The following DPP6 variants were observed in gnomAD, a reference collection of about 807,000 sequenced individuals.
The protein encoded by DPP6 is A-type potassium channel modulatory protein DPP6.
In DPP6, 69 loss-of-function variants were observed where a neutral mutation model predicts 122.6. That is an observed-to-expected ratio of 0.56 (90% CI 0.46 to 0.69). The LOEUF is 0.69. Among genes scored for constraint, DPP6 ranks in the 30% least tolerant of loss-of-function variants. The probability of loss-of-function intolerance (pLI) is 0.00; values close to 1 mark genes in which losing one functional copy is unlikely to be tolerated. For missense variants in DPP6, 928 were observed against 1,116.9 expected, an observed-to-expected ratio of 0.83 and a Z score of 2.41; for synonymous variants, 418 against 433.1, an observed-to-expected ratio of 0.97 and a Z score of 0.43.
At chr7:153,817,907 A>C in the DPP6 span, among the ~76,000 whole-genome samples, 8,038 of 151,886 alleles carry the variant, frequency 0.053, 297 homozygotes, top group East Asian at 0.11. Flanking sequence ...CCTAGAACTT[A>C]AAGTATAATA....
intron 5 of DPP6, among the ~76,000 whole-genome samples, chr7:154,574,764 ATG>A (rs1419355610): frequency 3.6e-5 from 3 of 84,478 alleles, no homozygotes; most frequent in South Asian, 4.0e-4. Flanking sequence ...GTGTGTGTAT[ATG>A]TGTGTGGTGC....
chr7:153,925,301 A>G (rs1800835987), intron 1 of DPP6, among the ~76,000 whole-genome samples: 1 of 152,026 alleles, frequency 6.6e-6, no homozygotes, highest in East Asian at 1.9e-4. Flanking sequence ...ATCATCCCGC[A>G]TGGTGGAGGG....
Position 153,995,802 on chromosome 7 carries a change from A to G in DPP6, c.51+108068A>G, listed in dbSNP as rs1363584669. On this transcript the variant is annotated intron_variant, in intron 1 of 25. Transcript: ENST00000404039. ...GCACCAGATGGGAGATACGGCATTC[A>G]CTCTTACCTAAGTCCTACCTACCTT... is the stretch of plus-strand genomic sequence containing the variant. Among the ~76,000 whole-genome samples the G allele has an allele frequency of 2.6e-5, 4 of 152,140 alleles. No homozygotes were observed. In the East Asian group the frequency reaches 7.7e-4, roughly 29 times the overall value.
In DPP6 at chr7:154,802,417, C is replaced by A. The variant is rs192817693; in HGVS notation, c.1407+955C>A. Among the ~76,000 whole-genome samples the A allele has an allele frequency of 3.3e-5, 5 of 152,148 alleles. No homozygotes were observed. In the East Asian group the frequency reaches 5.8e-4, roughly 18 times the overall value. On this transcript the variant is annotated intron_variant, in intron 13 of 25. Transcript: ENST00000377770. Reference sequence around the variant, plus strand: ...GACTCCTGGGATGGAAATGGCGTCTCTTGGAGGTTCAGGTGCAATTTTTTC... The same window carrying A: ...GACTCCTGGGATGGAAATGGCGTCTATTGGAGGTTCAGGTGCAATTTTTTC...
At position 154,889,542 on chromosome 7, in the gene DPP6, A is replaced by G. The variant is rs370315106; in HGVS notation, c.2451+12A>G. ...ATTACAGCTTACAGGTACAGTACGC[A>G]TGTTACTCTGTTTTGAACCTGGAGC... On this transcript the variant is annotated intron_variant, in intron 25 of 25. Coordinates refer to ENST00000377770, the MANE Select transcript of DPP6 (RefSeq NM_130797.4). The G allele has an allele frequency of 3.1e-6, 5 of 1,601,112 alleles. No homozygotes were observed. The African/African-American group carries it at 4.0e-5, about 13-fold the overall frequency.
At chr7:153,836,780 T>C in the DPP6 span, among the ~76,000 whole-genome samples, 3 of 152,236 alleles carry the variant, frequency 2.0e-5, no homozygotes, top group African/African-American at 7.2e-5. Flanking sequence ...TTGTAGCATT[T>C]CATGCCCATG....
intron 1 of DPP6, among the ~76,000 whole-genome samples, chr7:154,337,549 A>G (rs1020472461): frequency 6.6e-6 from 1 of 152,198 alleles, no homozygotes; most frequent in African/African-American, 2.4e-5. Context: ...ACACAGGCCA[A>G]GGTCTATCCT....
In DPP6 at chr7:154,260,801, G is replaced by A. The variant is rs534309842; in HGVS notation, c.244-185413G>A. On this transcript the variant is annotated intron_variant, in intron 1 of 25. Coordinates refer to ENST00000377770, the MANE Select transcript of DPP6 (RefSeq NM_130797.4). ...ATTGTGCTGCTATAAACATGTGTGT[G>A]CAGGTATCTTTTTCATATAATTACT... Among the ~76,000 whole-genome samples, 9 of 150,478 alleles carry A rather than the reference G, an allele frequency of 6.0e-5. No homozygotes were observed. In the East Asian group the frequency reaches 9.7e-4, roughly 16 times the overall value.
chr7:154,253,824 C>G (rs957221253), intron 1 of DPP6, among the ~76,000 whole-genome samples: 4 of 152,162 alleles, frequency 2.6e-5, no homozygotes, highest in Non-Finnish European at 5.9e-5. Context: ...GTCACAGATC[C>G]ACAGGCTTAA....
chr7:154,758,905 G>A (rs918374696), intron 8 of DPP6, among the ~76,000 whole-genome samples: 16 of 152,170 alleles, frequency 1.1e-4, no homozygotes, highest in African/African-American at 2.9e-4. Context: ...GCCTGTTTGC[G>A]TCCTTCCCGT....
At chr7:154,398,574 T>C (rs530503195) in intron 1 of DPP6, among the ~76,000 whole-genome samples, 7 of 152,168 alleles carry the variant, frequency 4.6e-5, no homozygotes, top group Non-Finnish European at 8.8e-5. Flanking sequence ...TATGGTCATA[T>C]TTTTTTCTCC....
intron 10 of DPP6, among the ~76,000 whole-genome samples, chr7:154,780,394 T>C (rs1486305862): frequency 6.6e-6 from 1 of 152,252 alleles, no homozygotes; most frequent in Non-Finnish European, 1.5e-5. Flanking sequence ...AAAGGGCAGC[T>C]GGATTGTTCT....
At chr7:153,855,370 C>T in the DPP6 span, among the ~76,000 whole-genome samples, 3,962 of 152,044 alleles carry the variant, frequency 0.026, 147 homozygotes, top group African/African-American at 0.089. Context: ...AACAAGGGAG[C>T]GGGGATTCTT....
At chr7:154,848,347 T>C (rs528862606) in intron 16 of DPP6, among the ~76,000 whole-genome samples, 2 of 151,454 alleles carry the variant, frequency 1.3e-5, no homozygotes, top group Non-Finnish European at 3.0e-5. Context: ...AGCTTTTTTT[T>C]CTTTATAATA....
At chr7:154,869,621 G>T (rs546934339) in intron 18 of DPP6, among the ~76,000 whole-genome samples, 158 of 152,300 alleles carry the variant, frequency 1.0e-3, no homozygotes, top group African/African-American at 3.6e-3. Flanking sequence ...GTCCCAGCCT[G>T]CAGGACAGCC....
chr7:153,796,366 TC>T, the DPP6 span, among the ~76,000 whole-genome samples: 1 of 142,528 alleles, frequency 7.0e-6, no homozygotes, highest in Non-Finnish European at 1.5e-5. Context: ...GATCCCTGTA[TC>T]CCTGGTAATA....
chr7:153,812,499 G>C, the DPP6 span, among the ~76,000 whole-genome samples: 1 of 152,006 alleles, frequency 6.6e-6, no homozygotes, highest in Non-Finnish European at 1.5e-5. Context: ...AAACTCAGAG[G>C]AGCAGCTTCC....
chr7:153,896,937 T>A (rs1799438544), intron 1 of DPP6, among the ~76,000 whole-genome samples: 1 of 152,244 alleles, frequency 6.6e-6, no homozygotes, highest in Non-Finnish European at 1.5e-5. Context: ...GCAAACTTTT[T>A]ATAAGAGGGT....
intron 1 of DPP6, among the ~76,000 whole-genome samples, chr7:154,097,230 G>C (rs1230894812): frequency 6.6e-6 from 1 of 152,230 alleles, no homozygotes; most frequent in Non-Finnish European, 1.5e-5. Context: ...TCTCCTACCA[G>C]AGTTTACAAA....
Sources: allele counts gnomAD v4.1 joint callset (sites outside exome capture counted in the v4.1 genomes callset), GRCh38; gene constraint gnomAD v4.1.1; transcripts MANE v1.5; gene names NCBI Gene and HGNC (gene_info 2026-07-23, HGNC 2026-07-21).